The following KNTC1 variants were observed in gnomAD, a reference collection of about 807,000 sequenced individuals.
KNTC1 encodes the protein kinetochore-associated protein 1.
Under a neutral mutation model 314.4 loss-of-function variants are expected in KNTC1, and 253 were observed. That is an observed-to-expected ratio of 0.80 (90% CI 0.73 to 0.89). The LOEUF (loss-of-function observed/expected upper bound fraction) is 0.89. KNTC1 is among the 40% of genes least tolerant of loss of function. The pLI, the probability that KNTC1 is intolerant of heterozygous loss-of-function variation, is 0.00. For missense variants in KNTC1, 2,475 were observed against 2,572.9 expected, an observed-to-expected ratio of 0.96 and a Z score of 0.82; for synonymous variants, 901 against 901.4, an observed-to-expected ratio of 1.00 and a Z score of 0.01.
At chr12:122,554,374 A>G (rs1207805194) in intron 16 of KNTC1, among the ~76,000 whole-genome samples, 1 of 151,964 alleles carries the variant, frequency 6.6e-6, no homozygotes, top group Non-Finnish European at 1.5e-5. Flanking sequence ...GAGCCACCAT[A>G]CCCAGCAAGA....
chr12:122,590,754 C>T lies in KNTC1; in HGVS notation c.4128+19C>T, dbSNP rs779956656. 2 of 1,603,438 alleles carry T rather than the reference C, an allele frequency of 1.2e-6. No homozygotes were observed. Among genetic ancestry groups the T allele is most frequent in the Non-Finnish European group, 1.7e-6 (2 of 1,174,304 alleles). ...AATCTTGGTATGTCCTAAGGAAGCA[C>T]ACCTTCAATTCTTGAAGTATTCAAG... On this transcript the variant is annotated intron_variant, in intron 41 of 63. Coordinates refer to ENST00000333479, the MANE Select transcript of KNTC1 (RefSeq NM_014708.6).
In KNTC1 at chr12:122,605,008, A is replaced by T. The variant is rs1872423836; in HGVS notation, c.5307A>T (p.Pro1769=). The part of the protein sequence containing the change: ...TEEYLRVIGK[P]AHLIVSLYEH... ...AATATTTAAGAGTGATCGGAAAGCC[A>T]GCACATCTTATTGTCAGTCTCTACG... Residue 1769 remains proline (P), a synonymous_variant, in exon 50 of 64, where the codon CCA becomes CCT. Coordinates refer to ENST00000333479, the MANE Select transcript of KNTC1 (RefSeq NM_014708.6). 6.2e-7 allele frequency: 1 copy of T among 1,613,290 alleles called. No homozygotes were observed. The highest frequency in any genetic ancestry group is 1.3e-5 in the African/African-American group (1 of 74,948).
chr12:122,577,661 C>A lies in KNTC1; in HGVS notation c.2722-11C>A, dbSNP rs1320760203. The A allele has an allele frequency of 3.1e-6, 5 of 1,602,504 alleles. No homozygotes were observed. In the South Asian group the frequency reaches 3.4e-5, roughly 11 times the overall value. ...CAGCTGTTTTTTCTTCCTTTCAAAC[C>A]CTGTTTATAGGGTGAAGACTGTCTC... On this transcript the variant is annotated splice_polypyrimidine_tract_variant and intron_variant, in intron 30 of 63. Transcript: ENST00000333479.
intron 54 of KNTC1, 195 bp from the exon 55 acceptor site, chr12:122,613,431 T>G (rs1181560308): frequency 1.5e-6 from 1 of 659,084 alleles, no homozygotes; most frequent in Admixed American, 3.2e-5. Flanking sequence ...CTTGGAGACA[T>G]TTAGAAACTG....
chr12:122,571,384 A>G (rs2137912796), intron 24 of KNTC1, among the ~76,000 whole-genome samples: 1 of 151,962 alleles, frequency 6.6e-6, no homozygotes, highest in South Asian at 2.1e-4. Flanking sequence ...TTTTGAGACA[A>G]GGTCTCACTC....
rs1455044555 is a variant in KNTC1, at chr12:122,620,482, T to G, written c.6153T>G (p.Cys2051Trp). Reference protein sequence around the residue: ...CSESLIAVLECPVSGDLDLIG... With the variant: ...CSESLIAVLEWPVSGDLDLIG... ...TAATTAATGTTCTCTCTCGAAGATG[T>G]CCAGTCTCAGGTGATCTTGACCTGA... Residue 2051 changes from cysteine (C) to tryptophan (W), a missense_variant, in exon 60 of 64, where the codon TGT (cysteine) becomes TGG (tryptophan). By Grantham distance (215) the Cys-to-Trp change is radical. Transcript: ENST00000333479. 2 of 1,612,276 alleles carry G rather than the reference T, an allele frequency of 1.2e-6. No homozygotes were observed. The highest frequency in any genetic ancestry group is 1.7e-6 in the Non-Finnish European group (2 of 1,179,002).
Position 122,604,891 on chromosome 12 carries a change from A to C in KNTC1, c.5190A>C (p.Glu1730Asp). 6 of 1,603,776 alleles carry C rather than the reference A, an allele frequency of 3.7e-6. No individual in the cohort carries two copies. The highest frequency in any genetic ancestry group is 5.1e-6 in the Non-Finnish European group (6 of 1,174,920). ...TTGTTTAAAAGGACGAAAAACGTGAAAAAGCCGAGGCTTTGTTGAAGAAGC... is the reference window on the plus strand; with the variant it reads ...TTGTTTAAAAGGACGAAAAACGTGACAAAGCCGAGGCTTTGTTGAAGAAGC... Reference protein sequence around the residue: ...QNIPSQDEKREKAEALLKKLH... With the variant: ...QNIPSQDEKRDKAEALLKKLH... Residue 1730 changes from glutamate (E) to aspartate (D), a missense_variant, in exon 50 of 64, where the codon GAA (glutamate) becomes GAC (aspartate). Coordinates refer to ENST00000333479, the MANE Select transcript of KNTC1 (RefSeq NM_014708.6).
At chr12:122,551,783 G>A (rs1963216065) in intron 16 of KNTC1, 87 bp downstream of exon 16, 1 of 949,658 alleles carries the variant, frequency 1.1e-6, no homozygotes, top group Admixed American at 1.8e-5. Flanking sequence ...ATATATAATT[G>A]GAATTTAGTG....
intron 1 of KNTC1, among the ~76,000 whole-genome samples, chr12:122,529,363 G>C (rs1339506208): frequency 6.6e-6 from 1 of 152,038 alleles, no homozygotes; most frequent in Admixed American, 6.6e-5. Flanking sequence ...TTGATCCAAG[G>C]ATTGTTTTTA....
intron 48 of KNTC1, 69 bp from the exon 49 acceptor site, chr12:122,604,495 A>C: frequency 1.1e-6 from 1 of 948,808 alleles, no homozygotes; most frequent in Non-Finnish European, 1.5e-6. Flanking sequence ...TTTGACCAAA[A>C]TACATTTTCT....
rs759894811 is a variant in KNTC1, at chr12:122,604,633, C to T, written c.5171C>T (p.Ser1724Leu). The T allele has an allele frequency of 8.8e-6, 14 of 1,592,642 alleles. No homozygotes were observed. Among genetic ancestry groups the T allele is most frequent in the East Asian group, 2.2e-5 (1 of 44,796 alleles). ...LAERWLQNIP[S>L]QDEKREKAEA... ...GAGAGATGGCTACAGAATATCCCATCGCAGGTGTGTCTGAACTATCAGATT... is the reference window on the plus strand; with the variant it reads ...GAGAGATGGCTACAGAATATCCCATTGCAGGTGTGTCTGAACTATCAGATT... Residue 1724 changes from serine (S) to leucine (L), a missense_variant, in exon 49 of 64, where the codon TCG (serine) becomes TTG (leucine). Transcript: ENST00000333479.
At chr12:122,556,130 C>A (rs903341308) in intron 16 of KNTC1, among the ~76,000 whole-genome samples, 1 of 151,896 alleles carries the variant, frequency 6.6e-6, no homozygotes, top group Non-Finnish European at 1.5e-5. Context: ...GATTCTCATG[C>A]CTCAGCCTCT....
chr12:122,614,607 G>A (rs753891477), intron 55 of KNTC1, among the ~76,000 whole-genome samples: 5 of 152,074 alleles, frequency 3.3e-5, no homozygotes, highest in Admixed American at 3.3e-4. Flanking sequence ...GTGGCCGGGC[G>A]CAGTGGCTCA....
chr12:122,594,527 A>G, intron 43 of KNTC1, 142 bp downstream of exon 43: 1 of 600,946 alleles, frequency 1.7e-6, no homozygotes, highest in Non-Finnish European at 2.9e-6. Flanking sequence ...AGTAAATATG[A>G]AATCAGATTA....
At chr12:122,568,150 T>C in intron 20 of KNTC1, 111 bp from the exon 21 acceptor site, 1 of 636,478 alleles carries the variant, frequency 1.6e-6, no homozygotes, top group Non-Finnish European at 2.8e-6. Context: ...TTTTTGTTTT[T>C]ACCTTTATGA....
At chr12:122,592,200 C>T (rs1870330972) in intron 42 of KNTC1, among the ~76,000 whole-genome samples, 1 of 152,240 alleles carries the variant, frequency 6.6e-6, no homozygotes. Flanking sequence ...CTGGGTCCCC[C>T]AGCAGTACCA....
Position 122,562,704 on chromosome 12 carries a change from G to A in KNTC1, c.1604+5G>A, listed in dbSNP as rs1052012177. ...ATTTGGACCAGAAAAATTCAGGTGT[G>A]TACATTTTTGTTAAAACTTTTTAGG... On this transcript the variant is annotated splice_donor_5th_base_variant and intron_variant, in intron 20 of 63. Coordinates refer to ENST00000333479, the MANE Select transcript of KNTC1 (RefSeq NM_014708.6). The A allele has an allele frequency of 3.1e-6, 5 of 1,597,280 alleles. No homozygotes were observed. The highest frequency in any genetic ancestry group is 2.2e-5 in the East Asian group (1 of 44,728).
intron 43 of KNTC1, 21 bp downstream of exon 43, chr12:122,594,406 G>A (rs749175306): frequency 9.8e-6 from 13 of 1,330,314 alleles, no homozygotes; most frequent in Middle Eastern, 1.8e-4. Context: ...AAACATTAAC[G>A]GTATTTTTGC....
At chr12:122,565,825 C>T (rs1053806571) in intron 20 of KNTC1, among the ~76,000 whole-genome samples, 1 of 152,052 alleles carries the variant, frequency 6.6e-6, no homozygotes, top group African/African-American at 2.4e-5. Flanking sequence ...GTCGAGGCTG[C>T]AGTAAGCTGT....
Sources: gnomAD v4.1 joint callset for allele counts (sites outside exome capture counted in the v4.1 genomes callset) on GRCh38, gnomAD v4.1.1 for gene constraint, MANE v1.5 for transcripts, NCBI Gene and HGNC (gene_info 2026-07-23, HGNC 2026-07-21) for gene names.